Variants in RNLS observed in about 807,000 individuals in gnomAD.
RNLS encodes the protein renalase, FAD dependent amine oxidase.
In RNLS, 39 loss-of-function variants were observed where a neutral mutation model predicts 39.8. The ratio of observed to expected loss-of-function variants is 0.98; its 90% confidence interval spans 0.76 to 1.28. The LOEUF is 1.28. Among genes scored for constraint, RNLS ranks in the 50% most tolerant of loss-of-function variants. The probability of loss-of-function intolerance (pLI) is 0.00; values close to 1 mark genes in which losing one functional copy is unlikely to be tolerated. For synonymous variants in RNLS, 147 were observed against 150.7 expected (o/e 0.98, Z 0.18); for missense variants, 410 against 413.3 (o/e 0.99, Z 0.07).
chr10:88,484,911 A>G (rs543254363), intron 4 of RNLS, among the ~76,000 whole-genome samples: 1 of 151,978 alleles, frequency 6.6e-6, no homozygotes, highest in South Asian at 2.1e-4. Flanking sequence ...AATTTTGCTT[A>G]GCAATTTTGT....
At chr10:88,562,136 T>C (rs1849229424) in intron 4 of RNLS, among the ~76,000 whole-genome samples, 1 of 152,180 alleles carries the variant, frequency 6.6e-6, no homozygotes, top group Admixed American at 6.6e-5. Flanking sequence ...CAATACTTAT[T>C]ATAACATACA....
intron 4 of RNLS, among the ~76,000 whole-genome samples, chr10:88,379,361 C>G (rs1851273571): frequency 6.6e-6 from 1 of 151,476 alleles, no homozygotes; most frequent in Non-Finnish European, 1.5e-5. Flanking sequence ...ATATTTTGAA[C>G]AAAAAAAATT....
intron 4 of RNLS, among the ~76,000 whole-genome samples, chr10:88,510,093 A>C (rs1380935699): frequency 1.3e-5 from 2 of 152,192 alleles, no homozygotes; most frequent in Non-Finnish European, 2.9e-5. Context: ...ATTTAGGATT[A>C]GAAGTCTCAA....
At chr10:88,309,802 T>TAA (rs1190644161) in intron 6 of RNLS, among the ~76,000 whole-genome samples, 4 of 152,168 alleles carry the variant, frequency 2.6e-5, no homozygotes, top group African/African-American at 9.7e-5. Flanking sequence ...GAGTTTTCGT[T>TAA]AAGAGGGCCA....
chr10:88,419,900 C>T (rs1325477447), intron 4 of RNLS, among the ~76,000 whole-genome samples: 3 of 152,014 alleles, frequency 2.0e-5, no homozygotes, highest in Non-Finnish European at 4.4e-5. Flanking sequence ...ATCCCAGCTA[C>T]TCTGGAGGCT....
the RNLS span, among the ~76,000 whole-genome samples, chr10:88,265,341 T>C: frequency 1.3e-4 from 19 of 148,464 alleles, no homozygotes; most frequent in African/African-American, 4.4e-4. Context: ...TTTTTTTTTT[T>C]TTTTTTGGTT....
At chr10:88,176,030 C>T in the RNLS span, among the ~76,000 whole-genome samples, 1 of 152,138 alleles carries the variant, frequency 6.6e-6, no homozygotes, top group African/African-American at 2.4e-5. Context: ...GCAATTACTG[C>T]TTGCTTTTGG....
At chr10:88,173,703 A>G in the RNLS span, among the ~76,000 whole-genome samples, 1 of 152,196 alleles carries the variant, frequency 6.6e-6, no homozygotes, top group African/African-American at 2.4e-5. Flanking sequence ...GTTCCATCAA[A>G]GCCAATTTTA....
rs1034290701 is a variant in RNLS at position 88,563,815 on chromosome 10, G to C, written c.526+9088C>G. 2.0e-5 allele frequency among the ~76,000 whole-genome samples: 3 copies of C among 152,090 alleles called. No homozygotes were observed. The South Asian group carries it at 6.2e-4, about 32-fold the overall frequency. On this transcript the variant is annotated intron_variant, in intron 4 of 6. Coordinates refer to ENST00000331772, the MANE Select transcript of RNLS (RefSeq NM_001031709.3). ...AAACCTAGCATCTATAAATGTACTG[G>C]AACTTTCAGAAACTATTATACTGGA...
chr10:88,333,076 C>T (rs1367232139), intron 5 of RNLS, among the ~76,000 whole-genome samples: 1 of 152,086 alleles, frequency 6.6e-6, no homozygotes, highest in Admixed American at 6.5e-5. Flanking sequence ...TTTGTAATTT[C>T]TTAAGTCAGT....
chr10:88,451,030 G>T (rs1448965840), intron 4 of RNLS, among the ~76,000 whole-genome samples: 1 of 152,134 alleles, frequency 6.6e-6, no homozygotes, highest in Non-Finnish European at 1.5e-5. Flanking sequence ...GGGACTAGCA[G>T]GAGTCAGTAG....
intron 3 of RNLS, among the ~76,000 whole-genome samples, chr10:88,574,544 C>T (rs1218835700): frequency 6.6e-6 from 1 of 152,186 alleles, no homozygotes; most frequent in Non-Finnish European, 1.5e-5. Context: ...ATACTCAAGG[C>T]TCCTTCATGT....
chr10:88,477,591 C>T (rs151280829), intron 4 of RNLS, among the ~76,000 whole-genome samples: 4 of 152,218 alleles, frequency 2.6e-5, no homozygotes, highest in Non-Finnish European at 4.4e-5. Flanking sequence ...ATAGTGATGA[C>T]AGGGATGACA....
intron 6 of RNLS, among the ~76,000 whole-genome samples, chr10:88,294,925 C>T (rs1030951216): frequency 5.3e-5 from 8 of 151,600 alleles, no homozygotes; most frequent in Admixed American, 4.0e-4. Flanking sequence ...TTTGCTTTTC[C>T]GCCCCCACCC....
intron 6 of RNLS, among the ~76,000 whole-genome samples, chr10:88,310,611 C>G (rs931656351): frequency 6.6e-6 from 1 of 151,570 alleles, no homozygotes; most frequent in African/African-American, 2.4e-5. Flanking sequence ...GGCAACATAG[C>G]AAGACCCCGT....
At chr10:88,357,447 T>C (rs762655077) in intron 5 of RNLS, among the ~76,000 whole-genome samples, 36 of 152,196 alleles carry the variant, frequency 2.4e-4, no homozygotes, top group Non-Finnish European at 4.1e-4. Context: ...GGAAGATCTT[T>C]TTCTACTGAG....
At chr10:88,409,116 T>C (rs963895220) in intron 4 of RNLS, among the ~76,000 whole-genome samples, 3 of 152,122 alleles carry the variant, frequency 2.0e-5, no homozygotes, top group South Asian at 2.1e-4. Flanking sequence ...TAAAAATCTA[T>C]ACACAATATC....
chr10:88,303,749 C>G (rs1256048596), intron 6 of RNLS, among the ~76,000 whole-genome samples: 1 of 152,184 alleles, frequency 6.6e-6, no homozygotes, highest in Non-Finnish European at 1.5e-5. Context: ...TGTATTAATA[C>G]TGCACAGAGA....
chr10:88,341,329 CAAAAAAAAAAA>C (rs755002114), intron 5 of RNLS, among the ~76,000 whole-genome samples: 2 of 50,698 alleles, frequency 3.9e-5, no homozygotes, highest in South Asian at 1.4e-3. Flanking sequence ...AACTCCATCT[CAAAAAAAAAAA>C]AAAAAAAAAA....
Sources: allele counts gnomAD v4.1 joint callset (sites outside exome capture counted in the v4.1 genomes callset), GRCh38; gene constraint gnomAD v4.1.1; transcripts MANE v1.5; gene names NCBI Gene and HGNC (gene_info 2026-07-23, HGNC 2026-07-21).